Variants in DNMBP observed in about 807,000 individuals in gnomAD.
DNMBP encodes dynamin-binding protein.
A neutral mutation model predicts 150.0 loss-of-function variants in DNMBP; 87 were observed. That is an observed-to-expected ratio of 0.58 (90% confidence interval 0.49 to 0.69). The LOEUF (loss-of-function observed/expected upper bound fraction) is 0.69. DNMBP is among the 30% of genes least tolerant of loss of function. The pLI is 0.00. For synonymous variants in DNMBP, 711 were observed against 750.4 expected (o/e 0.95, Z 0.86); for missense variants, 1,774 against 1,949.0 (o/e 0.91, Z 1.69).
At chr10:99,998,579 CAA>C (rs71009799) in intron 1 of DNMBP, among the ~76,000 whole-genome samples, 6 of 93,214 alleles carry the variant, frequency 6.4e-5, no homozygotes, top group Non-Finnish European at 8.8e-5. Flanking sequence ...GACTCCGTCT[CAA>C]AAAAAAAAAA....
chr10:99,941,320 C>A (rs916281566), intron 4 of DNMBP, among the ~76,000 whole-genome samples: 1 of 152,192 alleles, frequency 6.6e-6, no homozygotes, highest in Non-Finnish European at 1.5e-5. Context: ...AGTTCTAGAT[C>A]ATATTCTCCT....
At chr10:99,935,332 G>C (rs1268304930) in intron 4 of DNMBP, among the ~76,000 whole-genome samples, 1 of 151,960 alleles carries the variant, frequency 6.6e-6, no homozygotes, top group Non-Finnish European at 1.5e-5. Context: ...CTACCATTAA[G>C]GAACTGTAAC....
At chr10:99,913,642 C>T (rs1013135048) in intron 4 of DNMBP, among the ~76,000 whole-genome samples, 3 of 152,034 alleles carry the variant, frequency 2.0e-5, no homozygotes, top group South Asian at 2.1e-4. Context: ...GCTTACCCCC[C>T]ACCCCAAGTC....
chr10:99,903,331 T>G (rs1014121752), intron 6 of DNMBP, among the ~76,000 whole-genome samples: 9 of 151,380 alleles, frequency 5.9e-5, no homozygotes, highest in Admixed American at 2.0e-4. Context: ...GCCACTTTTT[T>G]TTTGTTTTGT....
intron 1 of DNMBP, among the ~76,000 whole-genome samples, chr10:99,998,062 C>A (rs1007619985): frequency 6.6e-6 from 1 of 150,900 alleles, no homozygotes; most frequent in South Asian, 2.1e-4. Flanking sequence ...AGTGAAACCC[C>A]ATCTCTACTA....
intron 4 of DNMBP, among the ~76,000 whole-genome samples, chr10:99,912,597 C>G (rs1359337907): frequency 2.6e-5 from 4 of 152,140 alleles, no homozygotes; most frequent in African/African-American, 9.7e-5. Context: ...TTGCAGTTTC[C>G]TGGACACCAT....
intron 3 of DNMBP, among the ~76,000 whole-genome samples, chr10:99,964,885 A>T (rs4919404): frequency 0.047 from 6,450 of 135,858 alleles, 423 homozygotes; most frequent in East Asian, 0.34. Flanking sequence ...AAAAAAAAAA[A>T]ATATATATAT....
At chr10:99,915,108 A>AAAAAAAATATATATAT (rs10654940) in intron 4 of DNMBP, among the ~76,000 whole-genome samples, 8 of 99,798 alleles carry the variant, frequency 8.0e-5, no homozygotes, top group African/African-American at 1.8e-4. Flanking sequence ...AAAAAAAAAA[A>AAAAAAAATATATATAT]ATATATATAT....
rs548697899 is a variant in DNMBP, at chr10:99,928,242, T to G, written c.2261-19096A>C. ...AAGCCCATGTTGGAAGACCACCAGG[T>G]AAACCACCGGCCATCCCAGGACCAT... On this transcript the variant is annotated intron_variant, in intron 4 of 16. Transcript: ENST00000324109. The G allele has an allele frequency of 2.8e-3, 419 of 152,314 alleles. 4 individuals carry two copies. Among genetic ancestry groups the G allele is most frequent in the South Asian group, 0.014 (69 of 4,828 alleles). 9.4% of individuals were successfully genotyped at this position (152,314 alleles called of 1,614,324 possible).
intron 1 of DNMBP, among the ~76,000 whole-genome samples, chr10:99,974,530 G>C (rs1414878993): frequency 6.6e-6 from 1 of 152,056 alleles, no homozygotes; most frequent in Non-Finnish European, 1.5e-5. Flanking sequence ...TTTAGAGATG[G>C]GGTCTTGCTC....
chr10:99,947,574 G>A (rs904249755), intron 4 of DNMBP, among the ~76,000 whole-genome samples: 8 of 151,606 alleles, frequency 5.3e-5, no homozygotes, highest in African/African-American at 1.9e-4. Flanking sequence ...ATGGAGGGAG[G>A]GAGGGAGGGA....
At chr10:99,953,051 A>G (rs1184775277) in intron 4 of DNMBP, among the ~76,000 whole-genome samples, 4 of 152,086 alleles carry the variant, frequency 2.6e-5, no homozygotes, top group Non-Finnish European at 1.5e-5. Context: ...TTGGTTGCCT[A>G]CCTCTTGTAC....
At position 99,899,911 on chromosome 10, in the gene DNMBP, A is replaced by C. The variant is rs2039714174; in HGVS notation, c.2702+8T>G. On this transcript the variant is annotated splice_region_variant and intron_variant, in intron 7 of 16. Transcript: ENST00000324109. ...CTGTAATGGAAGTTAAGTGGTCAAA[A>C]CTCCTACTTCAGATCTGCCAAGGAG... The C allele has an allele frequency of 6.2e-7, 1 of 1,613,804 alleles. No homozygotes were observed. Among genetic ancestry groups the C allele is most frequent in the Non-Finnish European group, 8.5e-7 (1 of 1,179,960 alleles).
chr10:99,960,637 T>C (rs2040554346), intron 3 of DNMBP, among the ~76,000 whole-genome samples: 3 of 152,128 alleles, frequency 2.0e-5, no homozygotes, highest in Admixed American at 1.3e-4. Context: ...TGAAACCCTG[T>C]GTCTACTAAA....
intron 1 of DNMBP, among the ~76,000 whole-genome samples, chr10:100,008,939 A>G (rs985188948): frequency 3.3e-5 from 5 of 152,326 alleles, no homozygotes; most frequent in Admixed American, 1.3e-4. Flanking sequence ...AACCCTAAAT[A>G]TTAGCGTTAC....
In DNMBP at chr10:99,946,050, G is replaced by A. The variant is rs545073163; in HGVS notation, c.2260+9164C>T. Among the ~76,000 whole-genome samples the A allele has an allele frequency of 1.4e-4, 22 of 152,282 alleles. No homozygotes were observed. In the South Asian group the frequency reaches 4.6e-3, roughly 32 times the overall value. ...TGGCTCACTGCAACCTCTGCCTACT[G>A]GGTTCAAGCCATTCTCCTGCCTCAG... is the stretch of plus-strand genomic sequence containing the variant. On this transcript the variant is annotated intron_variant, in intron 4 of 16. Transcript: ENST00000324109.
chr10:99,988,589 CCAT>C (rs1437140636), intron 1 of DNMBP, among the ~76,000 whole-genome samples: 2 of 152,134 alleles, frequency 1.3e-5, no homozygotes, highest in Admixed American at 6.6e-5. Flanking sequence ...CATTTAACCA[CCAT>C]AATTCACAAT....
chr10:99,878,820 A>T (rs184543372), intron 16 of DNMBP, among the ~76,000 whole-genome samples: 1 of 152,300 alleles, frequency 6.6e-6, no homozygotes, highest in Non-Finnish European at 1.5e-5. Flanking sequence ...ATGGCTTTAA[A>T]GCATACAGGT....
At chr10:99,964,495 TTG>T (rs1452418457) in intron 3 of DNMBP, among the ~76,000 whole-genome samples, 2 of 151,380 alleles carry the variant, frequency 1.3e-5, no homozygotes. Context: ...TCTCCTGTTT[TTG>T]TTTTTTTTTT....
Sources: allele counts gnomAD v4.1 joint callset (sites outside exome capture counted in the v4.1 genomes callset), GRCh38; gene constraint gnomAD v4.1.1; transcripts MANE v1.5; gene names NCBI Gene and HGNC (gene_info 2026-07-23, HGNC 2026-07-21).